The following SIK3 variants were observed in gnomAD, a reference collection of about 807,000 sequenced individuals.
The protein encoded by SIK3 is SIK family kinase 3.
In SIK3, 28 loss-of-function variants were observed where a neutral mutation model predicts 144.2. That is an observed-to-expected ratio of 0.19 (90% CI 0.14 to 0.27). The LOEUF (loss-of-function observed/expected upper bound fraction) is 0.27. Among genes scored for constraint, SIK3 ranks in the 10% least tolerant of loss-of-function variants. The probability of loss-of-function intolerance (pLI) is 1.00; values close to 1 mark genes in which losing one functional copy is unlikely to be tolerated. For synonymous variants in SIK3, 686 were observed against 676.3 expected (o/e 1.01, Z -0.22); for missense variants, 1,319 against 1,776.0 (o/e 0.74, Z 4.62).
chr11:117,097,581 G>A (rs1010144578), intron 1 of SIK3, among the ~76,000 whole-genome samples: 1 of 151,988 alleles, frequency 6.6e-6, no homozygotes, highest in Non-Finnish European at 1.5e-5. Context: ...AGTCTTAGAT[G>A]ATCAAATGCG....
At chr11:117,001,879 C>A (rs371603947) in intron 1 of SIK3, among the ~76,000 whole-genome samples, 2 of 152,298 alleles carry the variant, frequency 1.3e-5, no homozygotes, top group African/African-American at 4.8e-5. Context: ...TTAACAAAAG[C>A]AAACTTGATT....
intron 4 of SIK3, among the ~76,000 whole-genome samples, chr11:116,917,733 A>AAG (rs146697165): frequency 0.011 from 1,643 of 147,670 alleles, 26 homozygotes; most frequent in African/African-American, 0.037. Context: ...GAGGAAGGGA[A>AAG]AGAGAGAGAG....
At chr11:116,873,858 C>T in intron 12 of SIK3, 45 bp downstream of exon 12, 2 of 1,574,066 alleles carry the variant, frequency 1.3e-6, no homozygotes, top group Non-Finnish European at 8.6e-7. Flanking sequence ...AAAGGAAGCT[C>T]AAGTTTGTTT....
intron 1 of SIK3, among the ~76,000 whole-genome samples, chr11:117,029,964 TAGAGAGAAGAGGG>T (rs1952184549): frequency 6.6e-6 from 1 of 151,448 alleles, no homozygotes; most frequent in East Asian, 1.9e-4. Context: ...AGAATATACA[TAGAGAGAAGAGGG>T]AGAGCACAGA....
chr11:116,900,169 A>G (rs1481290327), intron 4 of SIK3, among the ~76,000 whole-genome samples: 2 of 152,158 alleles, frequency 1.3e-5, no homozygotes, highest in Non-Finnish European at 2.9e-5. Flanking sequence ...TTCCAAAGTC[A>G]TACCTGCGCT....
At chr11:116,912,429 C>A (rs987113085) in intron 4 of SIK3, among the ~76,000 whole-genome samples, 2 of 152,204 alleles carry the variant, frequency 1.3e-5, no homozygotes, top group Non-Finnish European at 2.9e-5. Context: ...ATTTGGTCTA[C>A]CACTTTAGAG....
chr11:116,858,676 G>A lies in SIK3; in HGVS notation c.2789C>T (p.Pro930Leu). 1.3e-6 allele frequency: 2 copies of A among 1,545,596 alleles called. No individual in the cohort carries two copies. Among genetic ancestry groups the A allele is most frequent in the Non-Finnish European group, 1.7e-6 (2 of 1,145,356 alleles). ...TAAATGCGCCTGGTCGTAGTTAGCA[G>A]GGGAGAACCGATTCACGTTCAAGCT... ...AHSLNVNRFSPANYDQAHLHP... is the reference protein window; with the variant it reads ...AHSLNVNRFSLANYDQAHLHP... Residue 930 changes from proline to leucine, a missense_variant, in exon 21 of 25, where the codon CCT (proline) becomes CTT (leucine). Physicochemically the swap from Pro to Leu is moderately conservative, Grantham distance 98 (BLOSUM62 -3). This residue lies in a region of SIK3 where 646 missense variants were observed against 763.7 expected (regional missense o/e 0.85). Coordinates refer to ENST00000445177, the MANE Select transcript of SIK3 (RefSeq NM_001366686.3). The surrounding 1 kb of genome is among the most constrained non-coding windows in gnomAD (Gnocchi z 5.4).
intron 1 of SIK3, among the ~76,000 whole-genome samples, chr11:117,061,908 C>G (rs1026281983): frequency 2.6e-5 from 4 of 151,670 alleles, no homozygotes; most frequent in African/African-American, 9.7e-5. Flanking sequence ...TCTAAAGATA[C>G]AGTAATTAAA....
intron 3 of SIK3, among the ~76,000 whole-genome samples, chr11:116,936,537 C>T (rs1421800584): frequency 2.0e-5 from 3 of 152,200 alleles, no homozygotes; most frequent in Admixed American, 6.5e-5. Context: ...TCCCTATTAC[C>T]ATCATCTAGA....
chr11:116,989,028 C>T (rs973231751), intron 1 of SIK3, among the ~76,000 whole-genome samples: 1 of 151,752 alleles, frequency 6.6e-6, no homozygotes, highest in Non-Finnish European at 1.5e-5. Context: ...AATAAGACTA[C>T]AATAAGTAAA....
chr11:116,876,745 T>A (rs1944280073), intron 7 of SIK3, among the ~76,000 whole-genome samples, 179 bp downstream of exon 7: 1 of 152,222 alleles, frequency 6.6e-6, no homozygotes, highest in African/African-American at 2.4e-5. Flanking sequence ...TGATCACTAT[T>A]CTCCAGCAGT....
intron 11 of SIK3, 31 bp from the exon 12 acceptor site, chr11:116,874,087 A>G: frequency 6.2e-7 from 1 of 1,611,524 alleles, no homozygotes; most frequent in East Asian, 2.2e-5. Context: ...AGAGAAGTTT[A>G]GTTAACATTC....
chr11:117,089,633 C>A (rs1230000281), intron 1 of SIK3, among the ~76,000 whole-genome samples: 4 of 152,142 alleles, frequency 2.6e-5, no homozygotes, highest in African/African-American at 9.7e-5. Context: ...TACATTTTCA[C>A]ATTCAATTCT....
chr11:117,003,927 A>G (rs1950948226), intron 1 of SIK3, among the ~76,000 whole-genome samples: 1 of 152,018 alleles, frequency 6.6e-6, no homozygotes, highest in South Asian at 2.1e-4. Context: ...CAAACAAAAA[A>G]CTCTGATTAT....
chr11:116,999,443 C>T (rs59425942), intron 1 of SIK3, among the ~76,000 whole-genome samples: 10,736 of 152,222 alleles, frequency 0.071, 671 homozygotes, highest in African/African-American at 0.17. Context: ...TCATCAATGA[C>T]AACTAAGTTT....
rs763232731 is a variant in SIK3, at chr11:116,896,263, A to G, written c.855T>C (p.Phe285=). ...VLSGKFRIPF[F]MSTECEHLIR... ...TAGCGACTCCCTTACCTGTGGACAT[A>G]AAAAATGGGATGCGGAACTTTCCAC... The change falls in exon 6 of 25, where the codon TTT becomes TTC. Residue 285 remains phenylalanine, a synonymous_variant. Transcript: ENST00000445177. 7 of 1,613,454 alleles carry G rather than the reference A, an allele frequency of 4.3e-6. No individual in the cohort carries two copies. Among genetic ancestry groups the G allele is most frequent in the Non-Finnish European group, 5.9e-6 (7 of 1,179,538 alleles).
At chr11:116,972,578 GT>G (rs1304040511) in intron 1 of SIK3, among the ~76,000 whole-genome samples, 3 of 152,010 alleles carry the variant, frequency 2.0e-5, no homozygotes, top group Non-Finnish European at 4.4e-5. Flanking sequence ...GCTCTATTGG[GT>G]TAAACTAACA....
intron 1 of SIK3, among the ~76,000 whole-genome samples, chr11:117,080,512 C>A (rs1422996653): frequency 6.6e-6 from 1 of 152,012 alleles, no homozygotes; most frequent in Non-Finnish European, 1.5e-5. Flanking sequence ...AAATAAAATT[C>A]TTTTATTTTT....
At chr11:116,946,859 T>C (rs1336456174) in intron 3 of SIK3, among the ~76,000 whole-genome samples, 1 of 152,022 alleles carries the variant, frequency 6.6e-6, no homozygotes, top group Non-Finnish European at 1.5e-5. Context: ...CTCACGCCTG[T>C]AATCCCAGCA....
Sources: gnomAD v4.1 joint callset for allele counts (sites outside exome capture counted in the v4.1 genomes callset) on GRCh38, gnomAD v4.1.1 for gene constraint, gnomAD v4.1.1 regional missense constraint, Gnocchi (gnomAD v3.1) non-coding constraint, MANE v1.5 for transcripts, NCBI Gene and HGNC (gene_info 2026-07-23, HGNC 2026-07-21) for gene names.